CPA6: variants seen among roughly 807,000 people sequenced by gnomAD.
CPA6 encodes the protein carboxypeptidase A6.
A neutral mutation model predicts 63.3 loss-of-function variants in CPA6; 58 were observed. The observed-to-expected ratio is 0.92, with a 90% CI of 0.74 to 1.14. The LOEUF (loss-of-function observed/expected upper bound fraction) is 1.14, where lower values mean the gene tolerates loss of function less well. Ranked by LOEUF, CPA6 falls within the 50% of genes most tolerant of loss-of-function variation. The pLI, the probability that CPA6 is intolerant of heterozygous loss-of-function variation, is 0.00. For missense variants in CPA6, 565 were observed against 526.6 expected (o/e 1.07, Z -0.71); for synonymous variants, 185 against 179.0 (o/e 1.03, Z -0.27).
Position 67,597,198 on chromosome 8 carries a change from CTT to C in CPA6, c.192+26976_192+26977del, listed in dbSNP as rs1219322033. Among the ~76,000 whole-genome samples, 277 of 135,054 alleles carry C rather than the reference CTT, an allele frequency of 2.1e-3. 2 individuals carry two copies. Among genetic ancestry groups the C allele is most frequent in the East Asian group, 0.01 (47 of 4,690 alleles). 88.6% of individuals were successfully genotyped at this position (135,054 alleles called of 152,430 possible). A position where few individuals can be genotyped will look rare whatever the true frequency, so the allele number is the denominator to read the frequency against. ...TCTTTCCATTGTATCCTCTGTGTCT[CTT>C]TTTTTTTTTTTTTTTTGAGACAGAG... is the stretch of plus-strand genomic sequence containing the variant. On this transcript the variant is annotated intron_variant, in intron 2 of 10. Transcript: ENST00000297770.
chr8:67,601,893 A>C (rs956157021), intron 2 of CPA6, among the ~76,000 whole-genome samples: 8 of 152,200 alleles, frequency 5.3e-5, no homozygotes, highest in Non-Finnish European at 8.8e-5. Context: ...CTACTTGTAC[A>C]TATGTGAAAC....
At chr8:67,518,414 C>A (rs1812192495) in intron 2 of CPA6, among the ~76,000 whole-genome samples, 1 of 151,958 alleles carries the variant, frequency 6.6e-6, no homozygotes, top group South Asian at 2.1e-4. Flanking sequence ...CTTCATCCTA[C>A]CACATAAGAA....
intron 2 of CPA6, among the ~76,000 whole-genome samples, chr8:67,536,199 G>T (rs1019145447): frequency 4.6e-5 from 7 of 152,136 alleles, no homozygotes; most frequent in African/African-American, 1.7e-4. Flanking sequence ...GGTTCCATAT[G>T]AAATTTAAAG....
intron 1 of CPA6, among the ~76,000 whole-genome samples, chr8:67,655,902 C>A (rs182574194): frequency 6.6e-6 from 1 of 152,230 alleles, no homozygotes; most frequent in East Asian, 1.9e-4. Flanking sequence ...ATAGAATTTT[C>A]CCCTTCATTG....
chr8:67,694,179 C>T (rs938655081), intron 1 of CPA6, among the ~76,000 whole-genome samples: 1 of 152,242 alleles, frequency 6.6e-6, no homozygotes, highest in Non-Finnish European at 1.5e-5. Flanking sequence ...GCTGTGCAAA[C>T]TGCTCTGCCA....
chr8:67,656,004 G>T (rs1226962686), intron 1 of CPA6, among the ~76,000 whole-genome samples: 1 of 152,034 alleles, frequency 6.6e-6, no homozygotes, highest in Non-Finnish European at 1.5e-5. Context: ...GGAGGCTTAT[G>T]GGCTTTATGA....
chr8:67,511,504 CTG>C, intron 4 of CPA6, 35 bp downstream of exon 4: 2 of 1,153,470 alleles, frequency 1.7e-6, no homozygotes, highest in Non-Finnish European at 2.6e-6. Context: ...AAAGATGACT[CTG>C]TGAAAAACCA....
intron 4 of CPA6, among the ~76,000 whole-genome samples, chr8:67,510,494 A>AACAG (rs1812020819): frequency 6.6e-6 from 1 of 152,128 alleles, no homozygotes; most frequent in Non-Finnish European, 1.5e-5. Context: ...AGTGCATGTT[A>AACAG]ACAGTACTTC....
rs953554672 is a variant in CPA6 at position 67,712,866 on chromosome 8, G to A, written c.116+33148C>T. On this transcript the variant is annotated intron_variant, in intron 1 of 10. Transcript: ENST00000297770. ...CGTCCAGCATCCCCACACTGTACAC[G>A]GACCCGCCTGTGAGTCACTTAGCCG... Among the ~76,000 whole-genome samples, 86 of 151,346 alleles carry A rather than the reference G, an allele frequency of 5.7e-4. 1 individual carries two copies. The highest frequency in any genetic ancestry group is 2.4e-4 in the Non-Finnish European group (16 of 67,758).
chr8:67,628,669 G>A (rs1273958715), intron 1 of CPA6, among the ~76,000 whole-genome samples: 1 of 152,160 alleles, frequency 6.6e-6, no homozygotes, highest in East Asian at 1.9e-4. Context: ...TACTTCATAT[G>A]TTGGTTTTAA....
intron 1 of CPA6, among the ~76,000 whole-genome samples, chr8:67,733,196 CAA>C (rs1211323183): frequency 2.7e-4 from 4 of 14,896 alleles, no homozygotes; most frequent in African/African-American, 8.4e-4. Context: ...GACTCCATCT[CAA>C]AAAAAAAAAA....
Position 67,746,024 on chromosome 8 carries a change from G to T in CPA6, c.106C>A (p.Arg36Ser), listed in dbSNP as rs752233230. ...TGTCGCTCCACTTACCCAGCATAGC[G>T]GTTGTTATAAAGGTGGCTGTGCCCC... ...QPGHSHLYNN[R>S]YAGDKVIRFI... The change falls in exon 1 of 11, where the codon CGC (arginine) becomes AGC (serine). Residue 36 changes from arginine to serine, a missense_variant. Physicochemically the swap from Arg to Ser is moderately radical, Grantham distance 110. Transcript: ENST00000297770. 2 of 1,612,778 alleles carry T rather than the reference G, an allele frequency of 1.2e-6. No individual in the cohort carries two copies. The highest frequency in any genetic ancestry group is 1.7e-6 in the Non-Finnish European group (2 of 1,178,966).
At position 67,538,533 on chromosome 8, in the gene CPA6, T is replaced by C. The variant is rs1252719596; in HGVS notation, c.193-20486A>G. ...CCCTGTTTTTTTTTTTTTTTTTTTTTGCTTTCCATTTGGTTGGTAAACATT... is the reference window on the plus strand; with the variant it reads ...CCCTGTTTTTTTTTTTTTTTTTTTTCGCTTTCCATTTGGTTGGTAAACATT... On this transcript the variant is annotated intron_variant, in intron 2 of 10. Transcript: ENST00000297770. Among the ~76,000 whole-genome samples the C allele has an allele frequency of 2.7e-5, 3 of 113,126 alleles. No homozygotes were observed. In the East Asian group the frequency reaches 8.9e-4, roughly 34 times the overall value. 74.2% of individuals were successfully genotyped at this position (113,126 alleles called of 152,430 possible).
intron 1 of CPA6, among the ~76,000 whole-genome samples, chr8:67,636,195 A>G (rs1442111093): frequency 6.6e-6 from 1 of 151,476 alleles, no homozygotes; most frequent in East Asian, 1.9e-4. Context: ...GCAGATATGC[A>G]ATTCTGCATG....
intron 1 of CPA6, among the ~76,000 whole-genome samples, chr8:67,694,910 G>A (rs956270366): frequency 1.4e-4 from 22 of 152,144 alleles, no homozygotes; most frequent in African/African-American, 5.1e-4. Context: ...ACTGATTGAT[G>A]AGCTGTACCC....
Position 67,746,268 on chromosome 8 carries a change from A to G in CPA6, c.-139T>C. On this transcript the variant is annotated 5_prime_UTR_variant, in exon 1 of 11. Transcript: ENST00000297770. ...AGGTTGAGAGTGAGCAAAATGTGAC[A>G]CTTCTCTCCAGCTACAAGGGAAAAA... 2 of 512,778 alleles carry G rather than the reference A, an allele frequency of 3.9e-6. No homozygotes were observed. The highest frequency in any genetic ancestry group is 3.0e-5 in the East Asian group (1 of 32,806). The allele number at this position is 512,778 out of a possible 1,614,324, so 31.8% of individuals were successfully genotyped here.
intron 8 of CPA6, chr8:67,452,724 G>A (rs1810582161): frequency 6.6e-6 from 1 of 152,232 alleles, no homozygotes; most frequent in African/African-American, 2.4e-5. Flanking sequence ...ATGGAAACAA[G>A]AAAAAGGACA....
At chr8:67,619,447 C>A (rs1815030576) in intron 2 of CPA6, among the ~76,000 whole-genome samples, 1 of 152,200 alleles carries the variant, frequency 6.6e-6, no homozygotes, top group Non-Finnish European at 1.5e-5. Context: ...GCTGTTAAAA[C>A]AGCCCTTATG....
Position 67,631,363 on chromosome 8 carries a change from G to A in CPA6, c.117-7112C>T, listed in dbSNP as rs373575188. On this transcript the variant is annotated intron_variant, in intron 1 of 10. Transcript: ENST00000297770. ...TAGAGGATTGTAAATGCACCATTCA[G>A]CACTCTGTGTCTAGCTAAAAGATTG... 7.2e-5 allele frequency among the ~76,000 whole-genome samples: 11 copies of A among 152,326 alleles called. 1 individual carries two copies. The highest frequency in any genetic ancestry group is 3.3e-4 in the Admixed American group (5 of 15,304).
Sources: allele counts gnomAD v4.1 joint callset (sites outside exome capture counted in the v4.1 genomes callset), GRCh38; gene constraint gnomAD v4.1.1; transcripts MANE v1.5; gene names NCBI Gene and HGNC (gene_info 2026-07-23, HGNC 2026-07-21).